The following PGBD2 variants were observed in gnomAD, a reference collection of about 807,000 sequenced individuals.
PGBD2 encodes piggyBac transposable element derived 2, also known as piggyBac transposable element-derived protein 2.
A neutral mutation model predicts 8.1 loss-of-function variants in PGBD2; 6 were observed. The observed-to-expected ratio is 0.74, with a 90% confidence interval of 0.40 to 1.46. PGBD2 has a LOEUF of 1.46. Among genes scored for constraint, PGBD2 ranks in the 40% most tolerant of loss-of-function variants. The pLI, the probability that PGBD2 is intolerant of heterozygous loss-of-function variation, is 0.02. For synonymous variants in PGBD2, 318 were observed against 272.2 expected (o/e 1.17, Z -1.66); for missense variants, 802 against 739.0 (o/e 1.09, Z -0.99).
chr1:248,914,411 A>G (rs971935231), intron 2 of PGBD2: 1 of 1,240,308 alleles, frequency 8.1e-7, no homozygotes, highest in Non-Finnish European at 1.0e-6. Context: ...TTTCCCTTTA[A>G]GCCGGTCTCT....
upstream of PGBD2, among the ~76,000 whole-genome samples, chr1:248,905,475 CA>C (rs975971946): frequency 1.1e-4 from 17 of 151,690 alleles, no homozygotes; most frequent in Admixed American, 1.1e-3. Context: ...TTTTATTTGT[CA>C]TAACTAGAGT....
the PGBD2 span, among the ~76,000 whole-genome samples, chr1:248,874,279 C>T: frequency 3.9e-5 from 6 of 152,284 alleles, no homozygotes; most frequent in African/African-American, 9.6e-5. Flanking sequence ...GGATTCGGCG[C>T]TCTCACCGCC....
At chr1:248,927,795 G>C in the PGBD2 span, among the ~76,000 whole-genome samples, 6 of 152,282 alleles carry the variant, frequency 3.9e-5, no homozygotes, top group South Asian at 1.2e-3. Flanking sequence ...GGTCTTGATA[G>C]AGAAAGGTAG....
At chr1:248,877,379 C>G in the PGBD2 span, among the ~76,000 whole-genome samples, 1 of 152,328 alleles carries the variant, frequency 6.6e-6, no homozygotes, top group Admixed American at 6.5e-5. Flanking sequence ...TCACTGCAGC[C>G]TTGACCTCTG....
the PGBD2 span, among the ~76,000 whole-genome samples, chr1:248,927,886 A>G: frequency 6.6e-6 from 1 of 152,228 alleles, no homozygotes; most frequent in East Asian, 1.9e-4. Context: ...CTGTTCCAGA[A>G]AACAGAAAGG....
chr1:248,920,437 G>C (rs563073504), downstream of PGBD2, among the ~76,000 whole-genome samples: 11 of 152,174 alleles, frequency 7.2e-5, no homozygotes, highest in African/African-American at 2.4e-4. Flanking sequence ...GAGAATGATG[G>C]TTTCCAGCTT....
the PGBD2 span, among the ~76,000 whole-genome samples, chr1:248,926,052 G>A: frequency 1.6e-4 from 24 of 152,022 alleles, no homozygotes; most frequent in Admixed American, 5.9e-4. Context: ...CTCCCCAGCC[G>A]CCTCTCCAGC....
intron 1 of PGBD2, chr1:248,912,800 A>AT (rs749233440): frequency 0.016 from 2,023 of 128,070 alleles, 27 homozygotes; most frequent in Middle Eastern, 0.024. Flanking sequence ...GAGCGCTCAG[A>AT]TTTTTTTTTT....
intron 2 of PGBD2, among the ~76,000 whole-genome samples, chr1:248,916,226 A>G (rs1662091377): frequency 6.6e-6 from 1 of 152,104 alleles, no homozygotes; most frequent in Non-Finnish European, 1.5e-5. Context: ...ATCCTGACTA[A>G]CACGGTGAAA....
At chr1:248,886,298 A>G in the PGBD2 span, among the ~76,000 whole-genome samples, 3 of 152,240 alleles carry the variant, frequency 2.0e-5, no homozygotes, top group Non-Finnish European at 4.4e-5. Context: ...TACATTATTC[A>G]TAGAAATATC....
chr1:248,896,631 A>G, the PGBD2 span, among the ~76,000 whole-genome samples: 1 of 152,114 alleles, frequency 6.6e-6, no homozygotes, highest in Non-Finnish European at 1.5e-5. Context: ...CCTCCCTCCT[A>G]CAAAAAACTT....
intron 1 of PGBD2, among the ~76,000 whole-genome samples, chr1:248,912,972 T>C (rs1046525856): frequency 2.0e-5 from 3 of 151,912 alleles, no homozygotes; most frequent in Admixed American, 1.3e-4. Context: ...CTGGCTAATT[T>C]TGTAGTTTTA....
the PGBD2 span, among the ~76,000 whole-genome samples, chr1:248,886,091 A>C: frequency 1.3e-5 from 2 of 152,214 alleles, no homozygotes; most frequent in African/African-American, 4.8e-5. Flanking sequence ...TTACCAAAGA[A>C]AGGCCTTGTT....
the PGBD2 span, among the ~76,000 whole-genome samples, chr1:248,877,253 T>C: frequency 6.6e-6 from 1 of 152,192 alleles, no homozygotes; most frequent in Non-Finnish European, 1.5e-5. Flanking sequence ...TTTTAGTTTC[T>C]GTTACACGCC....
At chr1:248,889,123 A>G in the PGBD2 span, among the ~76,000 whole-genome samples, 2 of 152,266 alleles carry the variant, frequency 1.3e-5, no homozygotes, top group Non-Finnish European at 2.9e-5. Context: ...ACTGTGGCTC[A>G]CGCCTGTAAT....
At chr1:248,875,199 G>A in the PGBD2 span, among the ~76,000 whole-genome samples, 1 of 151,836 alleles carries the variant, frequency 6.6e-6, no homozygotes, top group African/African-American at 2.4e-5. Context: ...AGGAGGCTGA[G>A]GCAGGAGAAT....
In PGBD2 at chr1:248,916,933, A is replaced by T. The variant is rs776915752; in HGVS notation, c.349A>T (p.Ile117Phe). The T allele has an allele frequency of 6.2e-6, 10 of 1,613,756 alleles. No homozygotes were observed. In the African/African-American group the frequency reaches 1.3e-4, roughly 22 times the overall value. ...KPQRIWTKRD[I>F]RPDFGSWTAS... ...TCAGCGCATTTGGACCAAAAGAGAT[A>T]TTCGTCCAGACTTTGGCAGTTGGAC... Residue 117 changes from isoleucine to phenylalanine, a missense_variant, in exon 3 of 3, where the codon ATT becomes TTT. Physicochemically the swap from Ile to Phe is conservative, Grantham distance 21 (BLOSUM62 0). Transcript: ENST00000329291.
At chr1:248,909,780 A>AC (rs1661800976) in intron 1 of PGBD2, among the ~76,000 whole-genome samples, 1 of 152,214 alleles carries the variant, frequency 6.6e-6, no homozygotes, top group Admixed American at 6.5e-5. Context: ...CACAAGAAGA[A>AC]AGCAAAGCAG....
chr1:248,910,221 A>T (rs899753932), intron 1 of PGBD2, among the ~76,000 whole-genome samples: 6 of 152,258 alleles, frequency 3.9e-5, no homozygotes, highest in Non-Finnish European at 7.3e-5. Flanking sequence ...GGATATTTAT[A>T]GTAACAGAAT....
Sources: allele counts gnomAD v4.1 joint callset (sites outside exome capture counted in the v4.1 genomes callset), GRCh38; gene constraint gnomAD v4.1.1; transcripts MANE v1.5; gene names NCBI Gene and HGNC (gene_info 2026-07-23, HGNC 2026-07-21).